The following B4GALT4 variants were observed in gnomAD, a reference collection of about 807,000 sequenced individuals.
B4GALT4 encodes beta-1,4-galactosyltransferase 4.
A neutral mutation model predicts 37.3 loss-of-function variants in B4GALT4; 27 were observed. That is an observed-to-expected ratio of 0.72 (90% confidence interval 0.53 to 1.00). The LOEUF (loss-of-function observed/expected upper bound fraction) is 1.00. Among genes scored for constraint, B4GALT4 ranks in the 50% least tolerant of loss-of-function variants. B4GALT4 has a pLI of 0.00. For synonymous variants in B4GALT4, 148 were observed against 154.1 expected (o/e 0.96, Z 0.29); for missense variants, 372 against 413.1 (o/e 0.90, Z 0.86).
At chr3:119,217,489 A>T (rs2078323212) in intron 6 of B4GALT4, among the ~76,000 whole-genome samples, 1 of 152,196 alleles carries the variant, frequency 6.6e-6, no homozygotes, top group South Asian at 2.1e-4. Context: ...CTTTATGATG[A>T]GGCAACAAAA....
rs745882020 is a variant in B4GALT4, at chr3:119,226,911, A to G, written c.384T>C (p.Val128=). 1.2e-6 allele frequency: 2 copies of G among 1,614,124 alleles called. No individual in the cohort carries two copies. Among genetic ancestry groups the G allele is most frequent in the South Asian group, 2.2e-5 (2 of 91,072 alleles). The change falls in exon 4 of 8, where the codon GTT becomes GTC. Residue 128 remains valine (V), a synonymous_variant. Coordinates refer to ENST00000393765, the MANE Select transcript of B4GALT4 (RefSeq NM_003778.4). ...CKALQRVAIL[V]PHRNREKHLM... ...GGTGTTTCTCTCTGTTCCGGTGGGG[A>G]ACGAGGATGGCGACCCTCTGTAAAG... is the stretch of plus-strand genomic sequence containing the variant.
intron 6 of B4GALT4, 78 bp downstream of exon 6, chr3:119,218,572 G>C: frequency 3.8e-6 from 6 of 1,583,534 alleles, no homozygotes; most frequent in Non-Finnish European, 5.2e-6. Context: ...GGCATCTAAA[G>C]GAATAAATAT....
At chr3:119,225,035 C>G (rs912729167) in intron 4 of B4GALT4, among the ~76,000 whole-genome samples, 2 of 152,142 alleles carry the variant, frequency 1.3e-5, no homozygotes, top group Non-Finnish European at 2.9e-5. Context: ...CAGAAAGGAT[C>G]AAGAAATCTC....
At chr3:119,212,823 C>T (rs1416944604) in intron 7 of B4GALT4, 142 bp from the exon 8 acceptor site, 7 of 776,410 alleles carry the variant, frequency 9.0e-6, no homozygotes, top group East Asian at 8.7e-5. Flanking sequence ...AGTTTGTTTG[C>T]CCCATTGAAG....
chr3:119,234,454 T>A (rs907553673), intron 2 of B4GALT4, among the ~76,000 whole-genome samples: 2 of 152,204 alleles, frequency 1.3e-5, no homozygotes, highest in African/African-American at 4.8e-5. Flanking sequence ...TAATTACCAA[T>A]GTGATTCATG....
At chr3:119,238,048 C>T (rs1576948600) in intron 1 of B4GALT4, among the ~76,000 whole-genome samples, 1 of 152,258 alleles carries the variant, frequency 6.6e-6, no homozygotes, top group African/African-American at 2.4e-5. Flanking sequence ...GGGAGGATCA[C>T]TTGAGGCCAG....
chr3:119,225,834 T>C (rs1311596171), intron 4 of B4GALT4, among the ~76,000 whole-genome samples: 2 of 152,152 alleles, frequency 1.3e-5, no homozygotes, highest in Non-Finnish European at 2.9e-5. Context: ...AAAACAAAAA[T>C]AGCTATAAAA....
At chr3:119,231,808 ATATATTTTATATTTTAATATATTT>A (rs1271701989) in intron 2 of B4GALT4, among the ~76,000 whole-genome samples, 2 of 98,286 alleles carry the variant, frequency 2.0e-5, no homozygotes, top group East Asian at 2.9e-4. Context: ...ATATAAAATA[ATATATTTTATATTTTAATATATTT>A]TATATTTTTA....
chr3:119,237,259 A>G (rs1331069800), intron 1 of B4GALT4, among the ~76,000 whole-genome samples, 189 bp from the exon 2 acceptor site: 6 of 130,514 alleles, frequency 4.6e-5, no homozygotes, highest in African/African-American at 6.2e-5. Flanking sequence ...CATTAGGGGC[A>G]CCTCACCGTA....
Position 119,227,045 on chromosome 3 carries a change from C to T in B4GALT4, c.254-4G>A, listed in dbSNP as rs770548054. The stretch of plus-strand genomic sequence containing the variant: ...AAAATGAGCTTGCTCTGGCCTCCTA[C>T]AATGAACATAGGACACAGACAATAA... On this transcript the variant is annotated splice_polypyrimidine_tract_variant and splice_region_variant and intron_variant, in intron 3 of 7. Transcript: ENST00000393765. 6.2e-7 allele frequency: 1 copy of T among 1,612,674 alleles called. No individual in the cohort carries two copies. Among genetic ancestry groups the T allele is most frequent in the Admixed American group, 1.7e-5 (1 of 60,012 alleles).
rs1461783008 is a variant in B4GALT4, at chr3:119,212,436, C to T, written c.*113G>A. 2 of 1,121,876 alleles carry T rather than the reference C, an allele frequency of 1.8e-6. No homozygotes were observed. The highest frequency in any genetic ancestry group is 1.6e-5 in the South Asian group (1 of 62,636). The allele number at this position is 1,121,876 out of a possible 1,614,324, so 69.5% of individuals were successfully genotyped here. ...GAAAATACAAAAAGGAAAAATTCAG[C>T]TCAACAATGAGCTGTAACAGGTTCT... is the stretch of plus-strand genomic sequence containing the variant. On this transcript the variant is annotated 3_prime_UTR_variant, in exon 8 of 8. Transcript: ENST00000393765.
chr3:119,235,664 C>G lies in B4GALT4; in HGVS notation c.-146+1189G>C, dbSNP rs184589226. Among the ~76,000 whole-genome samples the G allele has an allele frequency of 1.1e-4, 16 of 152,312 alleles. No homozygotes were observed. The East Asian group carries it at 3.1e-3, about 29-fold the overall frequency. On this transcript the variant is annotated intron_variant, in intron 2 of 7. Transcript: ENST00000393765. ...CAATTACAACTCCTTTAGGAGACTTCTAAATGATCACTGGCCAGATCCTAA... is the reference window on the plus strand; with the variant it reads ...CAATTACAACTCCTTTAGGAGACTTGTAAATGATCACTGGCCAGATCCTAA...
In B4GALT4 at chr3:119,229,997, C is replaced by T. The variant is rs1471609380; in HGVS notation, c.103G>A (p.Val35Met). The T allele has an allele frequency of 4.3e-6, 7 of 1,614,126 alleles. No individual in the cohort carries two copies. The highest frequency in any genetic ancestry group is 2.2e-5 in the South Asian group (2 of 91,078). Reference sequence around the variant, plus strand: ...TTAGGAATCTCTTGAATGGCACCCACGAAGTAGTTACTGGTGGCCCACCCA... The same window carrying T: ...TTAGGAATCTCTTGAATGGCACCCATGAAGTAGTTACTGGTGGCCCACCCA... Reference protein sequence around the residue: ...VVGWATSNYFVGAIQEIPKAK... With the variant: ...VVGWATSNYFMGAIQEIPKAK... The change falls in exon 3 of 8, where the codon GTG becomes ATG. Residue 35 changes from valine to methionine, a missense_variant. By Grantham distance (21) the Val-to-Met change is conservative. Coordinates refer to ENST00000393765, the MANE Select transcript of B4GALT4 (RefSeq NM_003778.4).
In B4GALT4 at chr3:119,212,549, T is replaced by G. The variant is rs779176185; in HGVS notation, c.1035A>C (p.Ter345CysextTer6). ...CCAAACATCACCAAAAGACCCAGGG[T>G]CATGCACCAAACCAGAAATCCACTG... is the stretch of plus-strand genomic sequence containing the variant. ...NITVDFWFGA* is the reference protein window; with the variant it reads ...NITVDFWFGAC Residue 345 changes from the stop codon to cysteine (C), a stop_lost, in exon 8 of 8, where the codon TGA (stop) becomes TGC (cysteine). Coordinates refer to ENST00000393765, the MANE Select transcript of B4GALT4 (RefSeq NM_003778.4). 6.3e-7 allele frequency: 1 copy of G among 1,595,788 alleles called. No individual in the cohort carries two copies. The highest frequency in any genetic ancestry group is 8.5e-7 in the Non-Finnish European group (1 of 1,173,702).
At chr3:119,231,363 T>G (rs1052845949) in intron 2 of B4GALT4, among the ~76,000 whole-genome samples, 1 of 152,214 alleles carries the variant, frequency 6.6e-6, no homozygotes, top group Non-Finnish European at 1.5e-5. Flanking sequence ...CCTCTCTGTG[T>G]GGACAAATCA....
chr3:119,225,567 T>G (rs1207551326), intron 4 of B4GALT4, among the ~76,000 whole-genome samples: 2 of 151,718 alleles, frequency 1.3e-5, no homozygotes, highest in African/African-American at 2.4e-5. Flanking sequence ...CAACTAATTT[T>G]TTTTTTTTTT....
chr3:119,226,885 A>G lies in B4GALT4; in HGVS notation c.410T>C (p.Leu137Pro). ...LVPHRNREKHLMYLLEHLHPF... is the reference protein window; with the variant it reads ...LVPHRNREKHPMYLLEHLHPF... The stretch of plus-strand genomic sequence containing the variant: ...ATGCAGATGTTCCAGCAGGTACATC[A>G]GGTGTTTCTCTCTGTTCCGGTGGGG... The change falls in exon 4 of 8, where the codon CTG (leucine) becomes CCG (proline). Residue 137 changes from leucine to proline, a missense_variant. Physicochemically the swap from Leu to Pro is moderately conservative, Grantham distance 98 (BLOSUM62 -3). Coordinates refer to ENST00000393765, the MANE Select transcript of B4GALT4 (RefSeq NM_003778.4). 1 of 1,614,158 alleles carries G rather than the reference A, an allele frequency of 6.2e-7. No individual in the cohort carries two copies. The highest frequency in any genetic ancestry group is 1.3e-5 in the African/African-American group (1 of 75,038).
At chr3:119,226,783 A>AGGCCCT in intron 4 of B4GALT4, 26 bp downstream of exon 4, 1 of 1,595,298 alleles carries the variant, frequency 6.3e-7, no homozygotes, top group Non-Finnish European at 8.6e-7. Flanking sequence ...GGTCGAGGGC[A>AGGCCCT]GGCCCTGGTC....
At chr3:119,215,450 C>A in intron 7 of B4GALT4, 1 of 153,000 alleles carries the variant, frequency 6.5e-6, no homozygotes, top group South Asian at 1.9e-4. Flanking sequence ...TTTTGGGACC[C>A]GGGCTGGCTT....
Sources: gnomAD v4.1 joint callset for allele counts (sites outside exome capture counted in the v4.1 genomes callset) on GRCh38, gnomAD v4.1.1 for gene constraint, MANE v1.5 for transcripts, NCBI Gene and HGNC (gene_info 2026-07-23, HGNC 2026-07-21) for gene names.